The following ARHGAP42 variants were observed in gnomAD, a reference collection of about 807,000 sequenced individuals.
The protein encoded by ARHGAP42 is rho GTPase-activating protein 42.
A neutral mutation model predicts 125.0 loss-of-function variants in ARHGAP42; 63 were observed. The observed-to-expected ratio is 0.50, with a 90% CI of 0.41 to 0.62. ARHGAP42 has a LOEUF of 0.62. ARHGAP42 is among the 20% of genes least tolerant of loss of function. The probability of loss-of-function intolerance (pLI) is 0.00; values close to 1 mark genes in which losing one functional copy is unlikely to be tolerated. For synonymous variants in ARHGAP42, 339 were observed against 351.0 expected, an observed-to-expected ratio of 0.97 and a Z score of 0.38; for missense variants, 766 against 1,024.2, an observed-to-expected ratio of 0.75 and a Z score of 3.44.
At chr11:100,733,094 G>A (rs1861988582) in intron 1 of ARHGAP42, among the ~76,000 whole-genome samples, 1 of 152,164 alleles carries the variant, frequency 6.6e-6, no homozygotes, top group Non-Finnish European at 1.5e-5. Flanking sequence ...TTTATGCAAA[G>A]CAAATATAAA....
intron 4 of ARHGAP42, among the ~76,000 whole-genome samples, chr11:100,901,882 T>C (rs1205996085): frequency 1.3e-5 from 2 of 152,214 alleles, no homozygotes; most frequent in Non-Finnish European, 1.5e-5. Context: ...GGTGAGGCAA[T>C]GCCCTGCCCT....
rs967035278 is a variant in ARHGAP42 at position 100,687,393 on chromosome 11, C to G, written c.-286C>G. On this transcript the variant is annotated 5_prime_UTR_variant, in exon 1 of 24. Coordinates refer to ENST00000298815, the MANE Select transcript of ARHGAP42 (RefSeq NM_152432.4). ...CCGGCCGCGGCCCGGAGCCTCGCCG[C>G]CCCCGCGTTCCGAACGACGATGCGT... is the stretch of plus-strand genomic sequence containing the variant. Among the ~76,000 whole-genome samples the G allele has an allele frequency of 3.9e-5, 6 of 152,000 alleles. No individual in the cohort carries two copies. Among genetic ancestry groups the G allele is most frequent in the Non-Finnish European group, 8.8e-5 (6 of 67,956 alleles).
At chr11:100,833,706 G>T (rs1200030196) in intron 3 of ARHGAP42, among the ~76,000 whole-genome samples, 1 of 152,140 alleles carries the variant, frequency 6.6e-6, no homozygotes, top group African/African-American at 2.4e-5. Context: ...GTTAGGAAGA[G>T]CCTGACTTAT....
Position 100,961,739 on chromosome 11 carries a change from G to T in ARHGAP42, c.1356G>T (p.Thr452=). ...ATATTGAACTGTGGGACAATAAGAC[G>T]ATAACAAGTGGGCTGAAAAACTACC... ...DIDIELWDNK[T]ITSGLKNYLR... Residue 452 remains threonine, a synonymous_variant, in exon 15 of 24, where the codon ACG becomes ACT. Coordinates refer to ENST00000298815, the MANE Select transcript of ARHGAP42 (RefSeq NM_152432.4). 6.4e-7 allele frequency: 1 copy of T among 1,551,640 alleles called. No individual in the cohort carries two copies. The highest frequency in any genetic ancestry group is 8.7e-7 in the Non-Finnish European group (1 of 1,146,840).
Position 100,701,189 on chromosome 11 carries a change from G to A in ARHGAP42, c.154+13357G>A, listed in dbSNP as rs184643347. Among the ~76,000 whole-genome samples the A allele has an allele frequency of 1.2e-3, 176 of 150,776 alleles. 1 individual carries two copies. Among genetic ancestry groups the A allele is most frequent in the African/African-American group, 4.1e-3 (167 of 41,062 alleles). The stretch of plus-strand genomic sequence containing the variant: ...AGCAATAGGCCTCTAACCACACAGC[G>A]GATTAAAATATTCAGTAAACAGTGT... On this transcript the variant is annotated intron_variant, in intron 1 of 23. Transcript: ENST00000298815.
chr11:100,948,557 T>A, intron 11 of ARHGAP42, 22 bp downstream of exon 11: 1 of 1,524,794 alleles, frequency 6.6e-7, no homozygotes, highest in Non-Finnish European at 8.9e-7. Context: ...ACACATTCTA[T>A]AATTTAGGTT....
At chr11:100,750,580 T>G (rs1044636467) in intron 1 of ARHGAP42, among the ~76,000 whole-genome samples, 10 of 149,700 alleles carry the variant, frequency 6.7e-5, no homozygotes, top group East Asian at 2.0e-4. Context: ...CTTCCCCTAT[T>G]GGCTAGGGTT....
chr11:100,694,846 T>C (rs1239272569), intron 1 of ARHGAP42, among the ~76,000 whole-genome samples: 1 of 152,138 alleles, frequency 6.6e-6, no homozygotes, highest in African/African-American at 2.4e-5. Context: ...CTGGCCAACA[T>C]GGTGAAACTC....
chr11:100,846,966 G>A (rs767493149), intron 3 of ARHGAP42, among the ~76,000 whole-genome samples: 2 of 152,152 alleles, frequency 1.3e-5, no homozygotes, highest in Non-Finnish European at 2.9e-5. Flanking sequence ...CCAGGTTCAA[G>A]CAGCTGAAGA....
At chr11:100,721,583 C>T (rs1190554094) in intron 1 of ARHGAP42, among the ~76,000 whole-genome samples, 1 of 151,764 alleles carries the variant, frequency 6.6e-6, no homozygotes, top group African/African-American at 2.4e-5. Flanking sequence ...AGCAATTCTT[C>T]TGCCTCAGCC....
rs556952319 is a variant in ARHGAP42 at position 100,741,745 on chromosome 11, G to A, written c.155-28598G>A. ...TGCCCCACAGTGTCCCATTGTGAAA[G>A]CAGAAATGAATTTTGGTGAAATCAA... On this transcript the variant is annotated intron_variant, in intron 1 of 23. Coordinates refer to ENST00000298815, the MANE Select transcript of ARHGAP42 (RefSeq NM_152432.4). Among the ~76,000 whole-genome samples, 14 of 152,298 alleles carry A rather than the reference G, an allele frequency of 9.2e-5. No individual in the cohort carries two copies. In the South Asian group the frequency reaches 2.9e-3, roughly 32 times the overall value.
chr11:100,786,568 C>T (rs1258011379), intron 2 of ARHGAP42, among the ~76,000 whole-genome samples: 1 of 151,758 alleles, frequency 6.6e-6, no homozygotes, highest in South Asian at 2.1e-4. Context: ...TACCTGAACT[C>T]TCAAACTACC....
At chr11:100,772,251 C>A (rs1413231989) in intron 2 of ARHGAP42, among the ~76,000 whole-genome samples, 2 of 152,210 alleles carry the variant, frequency 1.3e-5, no homozygotes, top group Non-Finnish European at 2.9e-5. Flanking sequence ...CATTGTGTGG[C>A]TTTAGCTTGC....
At chr11:100,949,587 G>A (rs1261188209) in intron 11 of ARHGAP42, among the ~76,000 whole-genome samples, 1 of 152,132 alleles carries the variant, frequency 6.6e-6, no homozygotes, top group East Asian at 1.9e-4. Flanking sequence ...GGAAGAAGGA[G>A]CAATTCCGGA....
intron 4 of ARHGAP42, among the ~76,000 whole-genome samples, chr11:100,862,828 C>T (rs1200659258): frequency 6.6e-6 from 1 of 151,654 alleles, no homozygotes; most frequent in Non-Finnish European, 1.5e-5. Context: ...TTCGGGAGTT[C>T]GAGACCAGCC....
chr11:100,822,981 A>G (rs1864437404), intron 3 of ARHGAP42, among the ~76,000 whole-genome samples: 1 of 152,152 alleles, frequency 6.6e-6, no homozygotes, highest in African/African-American at 2.4e-5. Context: ...CTCATGTGAC[A>G]GAGGAGCCTG....
intron 12 of ARHGAP42, among the ~76,000 whole-genome samples, chr11:100,955,259 C>A (rs76021774): frequency 0.039 from 5,923 of 152,118 alleles, 286 homozygotes; most frequent in African/African-American, 0.12. Flanking sequence ...TTAGGCTTAA[C>A]TTTTGATTGA....
intron 2 of ARHGAP42, among the ~76,000 whole-genome samples, chr11:100,776,158 T>TC (rs1554995751): frequency 2.9e-5 from 2 of 67,894 alleles, no homozygotes; most frequent in Non-Finnish European, 6.8e-5. Context: ...AAACTCCATT[T>TC]CAAAAAAAAA....
chr11:100,693,964 G>T (rs182866129), intron 1 of ARHGAP42, among the ~76,000 whole-genome samples: 14 of 150,706 alleles, frequency 9.3e-5, no homozygotes, highest in African/African-American at 3.4e-4. Flanking sequence ...ATGGAGTCTC[G>T]CTCTGTTGCC....
Sources: allele counts gnomAD v4.1 joint callset (sites outside exome capture counted in the v4.1 genomes callset), GRCh38; gene constraint gnomAD v4.1.1; transcripts MANE v1.5; gene names NCBI Gene and HGNC (gene_info 2026-07-23, HGNC 2026-07-21).